The following ABCA12 variants were observed in gnomAD, a reference collection of about 807,000 sequenced individuals.
ABCA12 encodes the protein ATP binding cassette subfamily A member 12, also known as glucosylceramide transporter ABCA12.
In ABCA12, 156 loss-of-function variants were observed where a neutral mutation model predicts 293.5. The ratio of observed to expected loss-of-function variants is 0.53; its 90% CI spans 0.47 to 0.61. The LOEUF is 0.61. Among genes scored for constraint, ABCA12 ranks in the 20% least tolerant of loss-of-function variants. ABCA12 has a pLI of 0.00. For missense variants in ABCA12, 2,797 were observed against 3,090.2 expected (o/e 0.91, Z 2.25); for synonymous variants, 1,063 against 1,108.0 (o/e 0.96, Z 0.81).
intron 2 of ABCA12, among the ~76,000 whole-genome samples, chr2:215,072,987 T>C (rs995208974): frequency 1.3e-4 from 20 of 151,942 alleles, no homozygotes; most frequent in African/African-American, 4.8e-4. Flanking sequence ...CCCAGCTACC[T>C]GGGAAGCTGA....
chr2:214,973,966 A>G lies in ABCA12; in HGVS notation c.5545T>C (p.Cys1849Arg). 1 of 1,613,952 alleles carries G rather than the reference A, an allele frequency of 6.2e-7. No individual in the cohort carries two copies. Among genetic ancestry groups the G allele is most frequent in the Non-Finnish European group, 8.5e-7 (1 of 1,179,874 alleles). Residue 1849 changes from cysteine to arginine, a missense_variant, in exon 36 of 53, where the codon TGC (cysteine) becomes CGC (arginine). Cys to Arg is a radical substitution (Grantham distance 180). Transcript: ENST00000272895. ...EPITNFGVCS[C>R]SENVQECPKF... ...CATCTTACCTGGACATTTTCTGAGC[A>G]GGAGCAAACACCAAAATTAGTGATG...
intron 23 of ABCA12, among the ~76,000 whole-genome samples, chr2:214,992,962 C>G (rs970422935): frequency 1.3e-5 from 2 of 152,128 alleles, no homozygotes; most frequent in Non-Finnish European, 2.9e-5. Context: ...AATGCCCCAC[C>G]CCCTTAAACC....
Position 214,937,569 on chromosome 2 carries a change from C to T in ABCA12, c.7483G>A (p.Val2495Met), listed in dbSNP as rs1364553960. The T allele has an allele frequency of 6.2e-7, 1 of 1,613,826 alleles. No homozygotes were observed. The highest frequency in any genetic ancestry group is 8.5e-7 in the Non-Finnish European group (1 of 1,179,902). The change falls in exon 51 of 53, where the codon GTG becomes ATG. Residue 2495 changes from valine to methionine, a missense_variant. Coordinates refer to ENST00000272895, the MANE Select transcript of ABCA12 (RefSeq NM_173076.3). Reference sequence around the variant, plus strand: ...AACTTTGTGAGGGTCTCCATGGTCACTTTGTTATTCTTCAAGTGAACTTTG... The same window carrying T: ...AACTTTGTGAGGGTCTCCATGGTCATTTTGTTATTCTTCAAGTGAACTTTG... ...TVKVHLKNNK[V>M]TMETLTKFMQ...
At chr2:215,043,456 T>C (rs1172682484) in intron 7 of ABCA12, among the ~76,000 whole-genome samples, 1 of 148,354 alleles carries the variant, frequency 6.7e-6, no homozygotes, top group Non-Finnish European at 1.5e-5. Context: ...GGATCAGAGG[T>C]TGTTGTTAAA....
intron 1 of ABCA12, among the ~76,000 whole-genome samples, chr2:215,119,396 G>C (rs1207008622): frequency 6.6e-6 from 1 of 152,154 alleles, no homozygotes; most frequent in South Asian, 2.1e-4. Context: ...ATGTTGAGAA[G>C]GGTACTTCCT....
In ABCA12 at chr2:214,932,229, T is replaced by C. The variant is rs1454403943; in HGVS notation, c.*405A>G. 5 of 246,952 alleles carry C rather than the reference T, an allele frequency of 2.0e-5. No individual in the cohort carries two copies. The highest frequency in any genetic ancestry group is 5.0e-5 in the South Asian group (1 of 19,828). 15.3% of individuals were successfully genotyped at this position (246,952 alleles called of 1,614,324 possible). Reference sequence around the variant, plus strand: ...TTTTCTGGAAATAAATTATGTTGTCTGCTTGCCCGGTGGCACCTGCCACAA... The same window carrying C: ...TTTTCTGGAAATAAATTATGTTGTCCGCTTGCCCGGTGGCACCTGCCACAA... On this transcript the variant is annotated 3_prime_UTR_variant, in exon 53 of 53. Coordinates refer to ENST00000272895, the MANE Select transcript of ABCA12 (RefSeq NM_173076.3).
At chr2:215,108,256 ATAGT>A (rs1200427607) in intron 2 of ABCA12, among the ~76,000 whole-genome samples, 3 of 152,210 alleles carry the variant, frequency 2.0e-5, no homozygotes, top group Admixed American at 1.3e-4. Context: ...CTGAATACTA[ATAGT>A]TAGGATAACT....
At chr2:214,950,637 TG>T (rs1412642387) in intron 45 of ABCA12, among the ~76,000 whole-genome samples, 1 of 151,406 alleles carries the variant, frequency 6.6e-6, no homozygotes, top group Non-Finnish European at 1.5e-5. Flanking sequence ...CCCGAGTAAC[TG>T]GGACTACAGA....
chr2:214,979,877 C>T (rs920913798), intron 31 of ABCA12, among the ~76,000 whole-genome samples: 13 of 152,126 alleles, frequency 8.5e-5, no homozygotes, highest in Admixed American at 3.3e-4. Flanking sequence ...TTCCTAATAG[C>T]ATATACATCT....
At position 215,017,994 on chromosome 2, in the gene ABCA12, A is replaced by C. The variant is rs1172865439; in HGVS notation, c.1782+14T>G. On this transcript the variant is annotated intron_variant, in intron 14 of 52. Coordinates refer to ENST00000272895, the MANE Select transcript of ABCA12 (RefSeq NM_173076.3). ...CTAAGAACTGCATGTAAGTACAAAC[A>C]CATGACACCCCACCTCAGCTCTATT... 3 of 1,614,142 alleles carry C rather than the reference A, an allele frequency of 1.9e-6. No individual in the cohort carries two copies. The highest frequency in any genetic ancestry group is 2.5e-6 in the Non-Finnish European group (3 of 1,180,036).
At position 215,026,938 on chromosome 2, in the gene ABCA12, C is replaced by G; in HGVS notation, c.1062G>C (p.Gln354His). Residue 354 changes from glutamine (Q) to histidine (H), a missense_variant and splice_region_variant, in exon 10 of 53, where the codon CAG (glutamine) becomes CAC (histidine). Gln to His is a conservative substitution (Grantham distance 24). This residue lies in a region of ABCA12 where 656 missense variants were observed against 638.2 expected (regional missense o/e 1.03). Transcript: ENST00000272895. Reference protein sequence around the residue: ...QTLSPSSLAAQLLILENFEDA... With the variant: ...QTLSPSSLAAHLLILENFEDA... ...CTTCAAAGTTTTCCAGAATTAGGAG[C>G]CTGCAGAATTAGAAAAGAATATAGA... 1 of 1,554,726 alleles carries G rather than the reference C, an allele frequency of 6.4e-7. No individual in the cohort carries two copies. Among genetic ancestry groups the G allele is most frequent in the Non-Finnish European group, 8.9e-7 (1 of 1,126,294 alleles).
In ABCA12 at chr2:214,978,969, G is replaced by A. The variant is rs369335746; in HGVS notation, c.4812C>T (p.Pro1604=). 25 of 1,614,038 alleles carry A rather than the reference G, an allele frequency of 1.5e-5. No individual in the cohort carries two copies. The highest frequency in any genetic ancestry group is 6.7e-5 in the East Asian group (3 of 44,862). Reference sequence around the variant, plus strand: ...CAATATCCTCCTTGAGGTAGGCTTCGGGGAGATGTGATTGGATCATTGCTG... The same window carrying A: ...CAATATCCTCCTTGAGGTAGGCTTCAGGGAGATGTGATTGGATCATTGCTG... ...AVTAMIQSHL[P]EAYLKEDIGG... is the part of the protein sequence containing the mutation. Residue 1604 remains proline (P), a synonymous_variant, in exon 32 of 53, where the codon CCC becomes CCT. Transcript: ENST00000272895.
At chr2:214,999,655 C>T in intron 22 of ABCA12, 1 of 281,292 alleles carries the variant, frequency 3.6e-6, no homozygotes, top group Non-Finnish European at 5.4e-6. Context: ...ATTATAACTT[C>T]ATTGACCCCA....
rs1339437901 is a variant in ABCA12, at chr2:215,052,545, G to C, written c.449C>G (p.Pro150Arg). ...FPSPSSDLEI[P>R]GTYTFNGSQV... is the part of the protein sequence containing the mutation. ...ACTGCCATTGAAAGTATATGTTCCG[G>C]GGATTTCCAAATCAGAACTTGGACT... Residue 150 changes from proline to arginine, a missense_variant, in exon 5 of 53, where the codon CCC becomes CGC. This residue lies in a region of ABCA12 where 656 missense variants were observed against 638.2 expected (regional missense o/e 1.03). Coordinates refer to ENST00000272895, the MANE Select transcript of ABCA12 (RefSeq NM_173076.3). The C allele has an allele frequency of 1.9e-6, 3 of 1,612,514 alleles. No homozygotes were observed. The highest frequency in any genetic ancestry group is 1.7e-5 in the Admixed American group (1 of 59,904).
chr2:214,959,969 G>A (rs919311805), intron 39 of ABCA12, among the ~76,000 whole-genome samples: 8 of 152,126 alleles, frequency 5.3e-5, no homozygotes, highest in African/African-American at 1.9e-4. Flanking sequence ...TTCCTATAGT[G>A]TCATAAACTA....
At chr2:214,959,876 T>C (rs1230470926) in intron 39 of ABCA12, among the ~76,000 whole-genome samples, 1 of 152,094 alleles carries the variant, frequency 6.6e-6, no homozygotes, top group East Asian at 1.9e-4. Flanking sequence ...AGGAAAACAA[T>C]GTGAGGGTAA....
chr2:215,037,640 ACTCTGT>A (rs1264588768), intron 7 of ABCA12, among the ~76,000 whole-genome samples: 2 of 152,096 alleles, frequency 1.3e-5, no homozygotes, highest in African/African-American at 4.8e-5. Flanking sequence ...TAATATCCAT[ACTCTGT>A]TTCTATAGCT....
intron 9 of ABCA12, 36 bp downstream of exon 9, chr2:215,031,785 A>T: frequency 1.2e-6 from 2 of 1,612,954 alleles, no homozygotes; most frequent in African/African-American, 1.3e-5. Flanking sequence ...TATTCAGCCA[A>T]GTTATCTACC....
intron 7 of ABCA12, among the ~76,000 whole-genome samples, chr2:215,039,781 A>C (rs1575003775): frequency 6.6e-6 from 1 of 152,006 alleles, no homozygotes; most frequent in Non-Finnish European, 1.5e-5. Context: ...TAAATAAATA[A>C]ATAAGTAAAA....
Sources: gnomAD v4.1 joint callset for allele counts (sites outside exome capture counted in the v4.1 genomes callset) on GRCh38, gnomAD v4.1.1 for gene constraint, gnomAD v4.1.1 regional missense constraint, MANE v1.5 for transcripts, NCBI Gene and HGNC (gene_info 2026-07-23, HGNC 2026-07-21) for gene names.